SNTG1: variants seen among roughly 807,000 people sequenced by gnomAD.
SNTG1 encodes the protein gamma-1-syntrophin.
In SNTG1, 39 loss-of-function variants were observed where a neutral mutation model predicts 74.7. The ratio of observed to expected loss-of-function variants is 0.52; its 90% CI spans 0.40 to 0.68. The LOEUF (loss-of-function observed/expected upper bound fraction) is 0.68, where lower values mean the gene tolerates loss of function less well. SNTG1 is among the 30% of genes least tolerant of loss of function. SNTG1 has a pLI of 0.00. For synonymous variants in SNTG1, 254 were observed against 217.1 expected (o/e 1.17, Z -1.49); for missense variants, 685 against 609.5 (o/e 1.12, Z -1.30).
At chr8:50,142,474 A>ATT (rs398047210) in intron 1 of SNTG1, among the ~76,000 whole-genome samples, 2 of 120,978 alleles carry the variant, frequency 1.7e-5, no homozygotes, top group Non-Finnish European at 3.2e-5. Context: ...AATTAAAAAG[A>ATT]TTATATATAT....
chr8:50,780,880 G>A (rs569792537), intron 18 of SNTG1, among the ~76,000 whole-genome samples: 2 of 152,036 alleles, frequency 1.3e-5, no homozygotes, highest in African/African-American at 4.8e-5. Context: ...TTTGAATGTG[G>A]CCCAGAGATT....
At chr8:49,952,024 T>A (rs780176675) in intron 1 of SNTG1, among the ~76,000 whole-genome samples, 7 of 152,012 alleles carry the variant, frequency 4.6e-5, no homozygotes, top group Non-Finnish European at 8.8e-5. Flanking sequence ...TAGTTGGAAC[T>A]GGATTGATCT....
intron 1 of SNTG1, among the ~76,000 whole-genome samples, chr8:49,982,238 T>G (rs1356729108): frequency 2.6e-5 from 4 of 152,128 alleles, no homozygotes; most frequent in Admixed American, 2.6e-4. Flanking sequence ...ACATAAAAAT[T>G]TATAAGTCTC....
chr8:50,601,370 C>A (rs56922310), intron 13 of SNTG1, among the ~76,000 whole-genome samples: 6,611 of 151,982 alleles, frequency 0.043, 494 homozygotes, highest in African/African-American at 0.15. Flanking sequence ...CTCTTAATTT[C>A]TTCATTGACC....
chr8:50,396,528 A>G (rs2092730926), intron 3 of SNTG1, among the ~76,000 whole-genome samples: 1 of 152,236 alleles, frequency 6.6e-6, no homozygotes, highest in South Asian at 2.1e-4. Context: ...AAGAACATTT[A>G]GTACACTACT....
intron 1 of SNTG1, among the ~76,000 whole-genome samples, chr8:49,947,687 G>A (rs1475804508): frequency 6.6e-6 from 1 of 152,180 alleles, no homozygotes; most frequent in Non-Finnish European, 1.5e-5. Flanking sequence ...TGCCTGAGGA[G>A]TGACTTTGTG....
At chr8:50,674,809 T>C (rs1250634162) in intron 15 of SNTG1, among the ~76,000 whole-genome samples, 2 of 152,126 alleles carry the variant, frequency 1.3e-5, no homozygotes, top group African/African-American at 4.8e-5. Flanking sequence ...TTTAGTGCTA[T>C]AAGTTTCCCT....
At chr8:50,475,533 A>G (rs1489284315) in intron 8 of SNTG1, among the ~76,000 whole-genome samples, 1 of 152,124 alleles carries the variant, frequency 6.6e-6, no homozygotes, top group Non-Finnish European at 1.5e-5. Flanking sequence ...GTCAGATGCC[A>G]TTTCCGTGTG....
At chr8:50,428,124 G>A (rs1012038428) in intron 4 of SNTG1, among the ~76,000 whole-genome samples, 2 of 152,080 alleles carry the variant, frequency 1.3e-5, no homozygotes, top group African/African-American at 2.4e-5. Context: ...GACCAGCCTA[G>A]ACAACATAAA....
chr8:50,273,494 A>G (rs1254302785), intron 2 of SNTG1, among the ~76,000 whole-genome samples: 2 of 152,188 alleles, frequency 1.3e-5, no homozygotes, highest in African/African-American at 4.8e-5. Context: ...AATAAAACAT[A>G]TGATAACTGC....
At chr8:50,670,712 CAAAAA>C (rs1563722718) in intron 15 of SNTG1, among the ~76,000 whole-genome samples, 1 of 145,576 alleles carries the variant, frequency 6.9e-6, no homozygotes, top group African/African-American at 2.6e-5. Context: ...CATATGGAAC[CAAAAA>C]AGAGCCCGCA....
At position 50,437,017 on chromosome 8, in the gene SNTG1, C is replaced by T. The variant is rs190972108; in HGVS notation, c.163-1526C>T. Among the ~76,000 whole-genome samples the T allele has an allele frequency of 2.5e-3, 383 of 152,188 alleles. 4 individuals carry two copies. Among genetic ancestry groups the T allele is most frequent in the African/African-American group, 8.3e-3 (343 of 41,548 alleles). On this transcript the variant is annotated intron_variant, in intron 4 of 18. Transcript: ENST00000642720. ...GTAGTATTTAATACAAATAGTTCAT[C>T]TTATATTTCAAGTTGCTTTGCATAA...
In SNTG1 at chr8:50,424,573, A is replaced by T. The variant is rs148204647; in HGVS notation, c.163-13970A>T. Among the ~76,000 whole-genome samples the T allele has an allele frequency of 1.2e-3, 190 of 152,324 alleles. 1 individual carries two copies. The highest frequency in any genetic ancestry group is 4.4e-3 in the African/African-American group (182 of 41,580). The stretch of plus-strand genomic sequence containing the variant: ...TATGATACAAGTTTCCAGGAATGGG[A>T]TGAATAGAGGACTCAGGGCAACAGC... On this transcript the variant is annotated intron_variant, in intron 4 of 18. Transcript: ENST00000642720.
intron 1 of SNTG1, among the ~76,000 whole-genome samples, chr8:49,922,291 A>G (rs1019664306): frequency 6.6e-6 from 1 of 152,074 alleles, no homozygotes; most frequent in African/African-American, 2.4e-5. Flanking sequence ...TTTTCTTGGT[A>G]CTAGAGGAGT....
At chr8:50,227,184 G>A (rs1007807571) in intron 2 of SNTG1, among the ~76,000 whole-genome samples, 1 of 152,098 alleles carries the variant, frequency 6.6e-6, no homozygotes, top group Non-Finnish European at 1.5e-5. Context: ...TGCTTCTGTG[G>A]AGAAGAAGGC....
At chr8:50,441,680 T>C (rs1041128519) in intron 5 of SNTG1, among the ~76,000 whole-genome samples, 3 of 152,204 alleles carry the variant, frequency 2.0e-5, no homozygotes, top group African/African-American at 7.2e-5. Context: ...TTTTTCTCTT[T>C]AAATTTTTTG....
chr8:50,005,501 C>T (rs551404447), intron 1 of SNTG1, among the ~76,000 whole-genome samples: 64 of 150,946 alleles, frequency 4.2e-4, no homozygotes, highest in African/African-American at 1.4e-3. Flanking sequence ...CATTTAGTTG[C>T]GTATTTCAAT....
Position 50,394,344 on chromosome 8 carries a change from GA to G in SNTG1, c.27+82del. 3 of 1,448,058 alleles carry G rather than the reference GA, an allele frequency of 2.1e-6. No individual in the cohort carries two copies. In the South Asian group the frequency reaches 3.7e-5, roughly 18 times the overall value. The allele number at this position is 1,448,058 out of a possible 1,614,324, so 89.7% of individuals were successfully genotyped here. A position where few individuals can be genotyped will look rare whatever the true frequency, so the allele number is the denominator to read the frequency against. On this transcript the variant is annotated intron_variant, in intron 3 of 18. Transcript: ENST00000642720. Reference sequence around the variant, plus strand: ...AACACTTGGCTCCAATTTATATAGGGAAATTCTGCTTTTGGCAGAAAATGGA... The same window carrying G: ...AACACTTGGCTCCAATTTATATAGGGAATTCTGCTTTTGGCAGAAAATGGA...
chr8:50,319,913 C>T (rs1487007734), intron 2 of SNTG1, among the ~76,000 whole-genome samples: 1 of 152,096 alleles, frequency 6.6e-6, no homozygotes, highest in African/African-American at 2.4e-5. Flanking sequence ...ATTTGGTTTG[C>T]TAGTATTTTG....
Sources: gnomAD v4.1 joint callset for allele counts (sites outside exome capture counted in the v4.1 genomes callset) on GRCh38, gnomAD v4.1.1 for gene constraint, MANE v1.5 for transcripts, NCBI Gene and HGNC (gene_info 2026-07-23, HGNC 2026-07-21) for gene names.